TARS2: variants seen among roughly 807,000 people sequenced by gnomAD.
TARS2 encodes the protein threonyl-tRNA synthetase 2, mitochondrial, also known as threonine--tRNA ligase, mitochondrial.
Under a neutral mutation model 94.4 loss-of-function variants are expected in TARS2, and 61 were observed. That is an observed-to-expected ratio of 0.65 (90% CI 0.53 to 0.80). TARS2 has a LOEUF of 0.80. Among genes scored for constraint, TARS2 ranks in the 30% least tolerant of loss-of-function variants. The pLI is 0.00. For missense variants in TARS2, 704 were observed against 902.5 expected, an observed-to-expected ratio of 0.78 and a Z score of 2.82; for synonymous variants, 359 against 353.4, an observed-to-expected ratio of 1.02 and a Z score of -0.18.
In TARS2 at chr1:150,497,455, A is replaced by C. The variant is rs587731679; in HGVS notation, c.1021-75A>C. The C allele has an allele frequency of 1.9e-4, 274 of 1,427,064 alleles. No homozygotes were observed. The African/African-American group carries it at 3.5e-3, about 18-fold the overall frequency. The allele number at this position is 1,427,064 out of a possible 1,614,324, so 88.4% of individuals were successfully genotyped here. A position where few individuals can be genotyped will look rare whatever the true frequency, so the allele number is the denominator to read the frequency against. On this transcript the variant is annotated intron_variant, in intron 9 of 17. Transcript: ENST00000369064. ...ATCAGCATGGCCTGAGGGCCCAGGAAGATCACACAGCTGACACCCTACCTG... is the reference window on the plus strand; with the variant it reads ...ATCAGCATGGCCTGAGGGCCCAGGACGATCACACAGCTGACACCCTACCTG...
intron 11 of TARS2, 98 bp from the exon 12 acceptor site, chr1:150,498,799 G>A (rs969781865): frequency 1.4e-5 from 23 of 1,608,156 alleles, no homozygotes; most frequent in Middle Eastern, 1.7e-4. Flanking sequence ...GCTTGCTTCC[G>A]CTTCCTCTCT....
rs758830554 is a variant in TARS2 at position 150,505,020 on chromosome 1, TAG to T, written c.1893+47_1893+48del. On this transcript the variant is annotated intron_variant, in intron 16 of 17. Coordinates refer to ENST00000369064, the MANE Select transcript of TARS2 (RefSeq NM_025150.5). ...AGGGAGGGGGCAGAAGCAGGTCCAGTAGAGAGTCTGGTGCCCTGCAGTGGGCA... is the reference window on the plus strand; with the variant it reads ...AGGGAGGGGGCAGAAGCAGGTCCAGTAGAGTCTGGTGCCCTGCAGTGGGCA... 35 of 1,604,786 alleles carry T rather than the reference TAG, an allele frequency of 2.2e-5. No homozygotes were observed. The Middle Eastern group carries it at 6.6e-4, about 30-fold the overall frequency.
At position 150,490,732 on chromosome 1, in the gene TARS2, A is replaced by G. The variant is rs770738631; in HGVS notation, c.512+7A>G. ...TCTTCCTGGGAAAGGAGAGGTGAGT[A>G]ATGAAAGGAAGGAGGAGAATGATTC... On this transcript the variant is annotated splice_region_variant and intron_variant, in intron 4 of 17. Transcript: ENST00000369064. The G allele has an allele frequency of 1.9e-6, 3 of 1,613,458 alleles. No homozygotes were observed. The highest frequency in any genetic ancestry group is 1.7e-6 in the Non-Finnish European group (2 of 1,179,848).
At chr1:150,492,596 A>G in intron 7 of TARS2, 107 bp downstream of exon 7, 1 of 1,207,404 alleles carries the variant, frequency 8.3e-7, no homozygotes, top group Non-Finnish European at 1.2e-6. Flanking sequence ...TGGATCATAA[A>G]GTCAGGAGTT....
At chr1:150,491,939 C>G in intron 6 of TARS2, 1 of 328,768 alleles carries the variant, frequency 3.0e-6, no homozygotes, top group Non-Finnish European at 5.6e-6. Flanking sequence ...GGATTACAGG[C>G]ATGTGCCACC....
chr1:150,505,047 A>C (rs1670139844), intron 16 of TARS2, 69 bp downstream of exon 16: 1 of 1,526,154 alleles, frequency 6.6e-7, no homozygotes. Flanking sequence ...TGCAGTGGGC[A>C]GGAAGAGGCT....
chr1:150,498,783 C>A lies in TARS2; in HGVS notation c.1402-114C>A, dbSNP rs985249827. 3.7e-6 allele frequency: 6 copies of A among 1,605,252 alleles called. No homozygotes were observed. In the African/African-American group the frequency reaches 8.1e-5, roughly 22 times the overall value. Reference sequence around the variant, plus strand: ...TGTACTATAATTCAGCTACATTCTACCCCCAGCTTGCTTCCGCTTCCTCTC... The same window carrying A: ...TGTACTATAATTCAGCTACATTCTAACCCCAGCTTGCTTCCGCTTCCTCTC... On this transcript the variant is annotated intron_variant, in intron 11 of 17. Transcript: ENST00000369064.
intron 7 of TARS2, among the ~76,000 whole-genome samples, chr1:150,494,780 G>A (rs1414139489): frequency 1.3e-5 from 2 of 152,168 alleles, no homozygotes; most frequent in African/African-American, 4.8e-5. Flanking sequence ...GCTCACGCCT[G>A]TAATCCTAAC....
chr1:150,491,235 C>A (rs1252773776), intron 4 of TARS2, among the ~76,000 whole-genome samples, 159 bp from the exon 5 acceptor site: 1 of 152,146 alleles, frequency 6.6e-6, no homozygotes, highest in Non-Finnish European at 1.5e-5. Context: ...TATCTGTTAC[C>A]TGATATCCTA....
chr1:150,503,699 G>C (rs1278810558), intron 13 of TARS2, among the ~76,000 whole-genome samples: 2 of 144,496 alleles, frequency 1.4e-5, no homozygotes, highest in South Asian at 2.1e-4. Context: ...ATATATGTGT[G>C]TGTATATATA....
At chr1:150,499,346 T>C (rs928033380) in intron 13 of TARS2, 53 bp downstream of exon 13, 38 of 1,560,874 alleles carry the variant, frequency 2.4e-5, no homozygotes, top group Non-Finnish European at 7.8e-6. Flanking sequence ...TGCTTTGTTT[T>C]AGTAAATATT....
At position 150,487,905 on chromosome 1, in the gene TARS2, T is replaced by A; in HGVS notation, c.114T>A (p.Leu38=). The A allele has an allele frequency of 6.2e-7, 1 of 1,613,792 alleles. No individual in the cohort carries two copies. Among genetic ancestry groups the A allele is most frequent in the Non-Finnish European group, 8.5e-7 (1 of 1,180,010 alleles). ...GCTGGTTGGCAGAGCGGCTTGGCCTTTTTGAGGAGCTGTGGGCTGCTCAGG... is the reference window on the plus strand; with the variant it reads ...GCTGGTTGGCAGAGCGGCTTGGCCTATTTGAGGAGCTGTGGGCTGCTCAGG... ...PPRWLAERLG[L]FEELWAAQVK... Residue 38 remains leucine (L), a synonymous_variant, in exon 2 of 18, where the codon CTT becomes CTA. Coordinates refer to ENST00000369064, the MANE Select transcript of TARS2 (RefSeq NM_025150.5).
chr1:150,504,694 G>A lies in TARS2; in HGVS notation c.1781G>A (p.Arg594Lys). Residue 594 changes from arginine (R) to lysine (K), a missense_variant, in exon 15 of 18, where the codon AGA becomes AAA. Around this residue, in one of 3 missense-constraint regions of TARS2, gnomAD observed 466 missense variants for 609.5 expected, o/e 0.76. Coordinates refer to ENST00000369064, the MANE Select transcript of TARS2 (RefSeq NM_025150.5). The stretch of plus-strand genomic sequence containing the variant: ...CGAGCAGTGCTCGGTTCTGTGGAAA[G>A]ACTGTTGGGAGTGCTGGCAGAAAGC... ...IHRAVLGSVE[R>K]LLGVLAESCG... The A allele has an allele frequency of 6.2e-7, 1 of 1,613,948 alleles. No individual in the cohort carries two copies. Among genetic ancestry groups the A allele is most frequent in the Non-Finnish European group, 8.5e-7 (1 of 1,179,860 alleles).
intron 7 of TARS2, 60 bp downstream of exon 7, chr1:150,492,549 C>T (rs1265988181): frequency 8.4e-6 from 13 of 1,547,516 alleles, no homozygotes; most frequent in East Asian, 6.9e-5. Flanking sequence ...TGGTGGCTCA[C>T]GCTTGTAATC....
Position 150,504,721 on chromosome 1 carries a change from G to GC in TARS2, c.1809dup (p.Gly604ArgfsTer21). ...CTGTTGGGAGTGCTGGCAGAAAGCT[G>GC]CGGGGGGAAATGGTGAGACCTCTGA... On this transcript the variant is annotated frameshift_variant, in exon 15 of 18. Coordinates refer to ENST00000369064, the MANE Select transcript of TARS2 (RefSeq NM_025150.5). LOFTEE classifies it high-confidence loss of function. 1 of 1,614,222 alleles carries GC rather than the reference G, an allele frequency of 6.2e-7. No homozygotes were observed. The highest frequency in any genetic ancestry group is 8.5e-7 in the Non-Finnish European group (1 of 1,180,048).
chr1:150,491,703 A>C (rs1468618873), intron 6 of TARS2, 41 bp downstream of exon 6: 1 of 1,603,410 alleles, frequency 6.2e-7, no homozygotes, highest in Non-Finnish European at 8.5e-7. Context: ...GAGGTGGGGA[A>C]GCATTGAAGA....
chr1:150,504,027 G>A (rs1670085874), intron 13 of TARS2, among the ~76,000 whole-genome samples: 1 of 152,088 alleles, frequency 6.6e-6, no homozygotes, highest in Admixed American at 6.6e-5. Flanking sequence ...GATAAAGGGT[G>A]TAGCCATAGA....
intron 13 of TARS2, among the ~76,000 whole-genome samples, chr1:150,499,817 G>A (rs587763540): frequency 3.5e-4 from 53 of 152,188 alleles, no homozygotes; most frequent in African/African-American, 9.6e-4. Context: ...AAGAGAGCAC[G>A]TTAGCTGGGG....
intron 17 of TARS2, among the ~76,000 whole-genome samples, chr1:150,506,574 GACACAC>G (rs59687878): frequency 0.11 from 12,140 of 108,950 alleles, 922 homozygotes; most frequent in African/African-American, 0.18. Context: ...TAATGTCTCT[GACACAC>G]ACACACACAC....
Sources: allele counts gnomAD v4.1 joint callset (sites outside exome capture counted in the v4.1 genomes callset), GRCh38; gene constraint gnomAD v4.1.1; regional missense constraint gnomAD v4.1.1; transcripts MANE v1.5; gene names NCBI Gene and HGNC (gene_info 2026-07-23, HGNC 2026-07-21).